Variants in MARCHF1 observed in about 807,000 individuals in gnomAD.
MARCHF1 encodes the protein membrane associated ring-CH-type finger 1.
Under a neutral mutation model 54.2 loss-of-function variants are expected in MARCHF1, and 40 were observed. The ratio of observed to expected loss-of-function variants is 0.74; its 90% confidence interval spans 0.57 to 0.96. The LOEUF is 0.96. Ranked by LOEUF, MARCHF1 falls within the 40% of genes least tolerant of loss-of-function variation. MARCHF1 has a pLI of 0.00. For missense variants in MARCHF1, 586 were observed against 656.5 expected, an observed-to-expected ratio of 0.89 and a Z score of 1.17; for synonymous variants, 236 against 236.3, an observed-to-expected ratio of 1.00 and a Z score of 0.01.
chr4:163,689,672 C>T (rs1418450669), intron 5 of MARCHF1, among the ~76,000 whole-genome samples: 1 of 151,500 alleles, frequency 6.6e-6, no homozygotes, highest in Non-Finnish European at 1.5e-5. Context: ...TTTTCCCAGG[C>T]ATCTCCTAAA....
In MARCHF1 at chr4:164,355,644, C is replaced by A. The variant is rs947357495; in HGVS notation, c.-323+28226G>T. On this transcript the variant is annotated intron_variant, in intron 1 of 9. Transcript: ENST00000514618. ...ATGGATTAAAGATTTAAACGTTAGA[C>A]CTAAAACCATAAAAACCCTAGAAGA... Among the ~76,000 whole-genome samples the A allele has an allele frequency of 4.4e-4, 38 of 85,542 alleles. 3 individuals carry two copies. Among genetic ancestry groups the A allele is most frequent in the African/African-American group, 1.3e-3 (34 of 26,494 alleles). 56.1% of individuals were successfully genotyped at this position (85,542 alleles called of 152,430 possible).
At chr4:163,873,246 C>T (rs531839827) in intron 3 of MARCHF1, among the ~76,000 whole-genome samples, 1 of 152,182 alleles carries the variant, frequency 6.6e-6, no homozygotes, top group Non-Finnish European at 1.5e-5. Context: ...AGCTAGTTTA[C>T]ACCTCAGTGT....
intron 4 of MARCHF1, among the ~76,000 whole-genome samples, chr4:163,803,097 G>A (rs777398097): frequency 9.2e-5 from 14 of 152,062 alleles, no homozygotes; most frequent in Admixed American, 2.6e-4. Context: ...CAGTTCACAC[G>A]GTTACACACA....
intron 6 of MARCHF1, 104 bp from the exon 7 acceptor site, chr4:163,613,142 G>T: frequency 1.6e-6 from 2 of 1,241,142 alleles, no homozygotes; most frequent in Non-Finnish European, 2.2e-6. Flanking sequence ...ACCAGAAGTA[G>T]ATAAATAAAG....
intron 1 of MARCHF1, among the ~76,000 whole-genome samples, chr4:164,342,182 T>C (rs1481228433): frequency 6.6e-6 from 1 of 152,130 alleles, no homozygotes; most frequent in Admixed American, 6.5e-5. Context: ...GACATATGAA[T>C]AGCCAACAAG....
Position 163,526,957 on chromosome 4 carries a change from GT to G in MARCHF1, c.*1790del, listed in dbSNP as rs144473205. On this transcript the variant is annotated 3_prime_UTR_variant, in exon 10 of 10. Coordinates refer to ENST00000514618, the MANE Select transcript of MARCHF1 (RefSeq NM_001394959.1). ...CATCTTTCTCCTCATTTAAAGGTTT[GT>G]TTTTTTTTTCCCTTTTTCCTATGAT... 6.8e-5 allele frequency: 10 copies of G among 146,956 alleles called. No homozygotes were observed. The highest frequency in any genetic ancestry group is 6.5e-4 in the South Asian group (3 of 4,616). 9.1% of individuals were successfully genotyped at this position (146,956 alleles called of 1,614,324 possible). A position where few individuals can be genotyped will look rare whatever the true frequency, so the allele number is the denominator to read the frequency against.
At chr4:164,227,888 T>C (rs1732303390) in intron 1 of MARCHF1, among the ~76,000 whole-genome samples, 1 of 152,156 alleles carries the variant, frequency 6.6e-6, no homozygotes, top group South Asian at 2.1e-4. Flanking sequence ...CAGAGGATGA[T>C]ACAGGCTGGT....
At chr4:163,717,661 G>A (rs577952773) in intron 4 of MARCHF1, among the ~76,000 whole-genome samples, 1 of 152,252 alleles carries the variant, frequency 6.6e-6, no homozygotes, top group East Asian at 1.9e-4. Context: ...AGCACCTGTT[G>A]TTTCCTGACT....
intron 1 of MARCHF1, among the ~76,000 whole-genome samples, chr4:164,340,466 A>G (rs1046130967): frequency 1.5e-5 from 2 of 131,126 alleles, no homozygotes; most frequent in Non-Finnish European, 3.3e-5. Context: ...GTTTCTCTCT[A>G]TTGCCCAGGA....
intron 5 of MARCHF1, among the ~76,000 whole-genome samples, chr4:163,646,967 G>C (rs1372918975): frequency 6.6e-6 from 1 of 151,996 alleles, no homozygotes; most frequent in Non-Finnish European, 1.5e-5. Flanking sequence ...AGACAAAGTG[G>C]CTAAATAAAT....
intron 4 of MARCHF1, among the ~76,000 whole-genome samples, chr4:163,701,652 A>G (rs1330459114): frequency 6.6e-6 from 1 of 152,220 alleles, no homozygotes; most frequent in Admixed American, 6.6e-5. Flanking sequence ...TAGATGATCA[A>G]CTGGAAAAAT....
chr4:164,328,509 A>T (rs181255623), intron 1 of MARCHF1, among the ~76,000 whole-genome samples: 1 of 152,240 alleles, frequency 6.6e-6, no homozygotes, highest in Admixed American at 6.5e-5. Context: ...GGACAGTTGA[A>T]TCAGTGTATC....
intron 5 of MARCHF1, among the ~76,000 whole-genome samples, chr4:163,614,497 C>T (rs1223275546): frequency 6.6e-6 from 1 of 151,904 alleles, no homozygotes; most frequent in African/African-American, 2.4e-5. Flanking sequence ...ATTTCGTCAC[C>T]AAGAAAATAA....
intron 3 of MARCHF1, among the ~76,000 whole-genome samples, chr4:163,872,188 T>C (rs1750183056): frequency 6.6e-6 from 1 of 152,206 alleles, no homozygotes; most frequent in African/African-American, 2.4e-5. Flanking sequence ...GGCCAGCCCT[T>C]TTGTCTATGT....
intron 1 of MARCHF1, among the ~76,000 whole-genome samples, chr4:164,165,526 A>G (rs1730356613): frequency 6.6e-6 from 1 of 151,930 alleles, no homozygotes; most frequent in South Asian, 2.1e-4. Flanking sequence ...ATGAGTAAAT[A>G]AATTTCTGTT....
chr4:164,364,292 G>A (rs537186539), intron 1 of MARCHF1, among the ~76,000 whole-genome samples: 2 of 152,130 alleles, frequency 1.3e-5, no homozygotes, highest in African/African-American at 4.8e-5. Flanking sequence ...CGTGAGTAAA[G>A]GACTAAAGGC....
At chr4:164,127,622 A>G (rs546818161) in intron 1 of MARCHF1, among the ~76,000 whole-genome samples, 1 of 152,332 alleles carries the variant, frequency 6.6e-6, no homozygotes, top group Non-Finnish European at 1.5e-5. Context: ...TTGAAGATAT[A>G]TCATGAGAGG....
chr4:164,222,146 G>A lies in MARCHF1; in HGVS notation c.-322-110484C>T, dbSNP rs112022782. ...TTAATTCAATCTACTAGGTGGGTAC[G>A]CTTTCCTTAGAAGCATAAACTTAAA... On this transcript the variant is annotated intron_variant, in intron 1 of 9. Transcript: ENST00000514618. 5.0e-3 allele frequency among the ~76,000 whole-genome samples: 755 copies of A among 151,720 alleles called. 8 individuals are homozygous for A. The highest frequency in any genetic ancestry group is 0.017 in the African/African-American group (705 of 41,426).
chr4:163,612,979 A>C lies in MARCHF1; in HGVS notation c.302T>G (p.Val101Gly), dbSNP rs1202934387. Residue 101 changes from valine (V) to glycine (G), a missense_variant, in exon 7 of 10, where the codon GTG (valine) becomes GGG (glycine). Val to Gly is a moderately radical substitution (Grantham distance 109). This residue lies in a region of MARCHF1 where 387 missense variants were observed against 394.6 expected (regional missense o/e 0.98). Transcript: ENST00000514618. Reference protein sequence around the residue: ...ESFEYCTPVMVLSPARKESGK... With the variant: ...ESFEYCTPVMGLSPARKESGK... ...AGACTCCTTCCTAGCAGGGCTCAGC[A>C]CCATGACAGGGGTGCAATACTCAAA... 6.5e-7 allele frequency: 1 copy of C among 1,531,596 alleles called. No individual in the cohort carries two copies. The highest frequency in any genetic ancestry group is 8.7e-7 in the Non-Finnish European group (1 of 1,145,256). 94.9% of individuals were successfully genotyped at this position (1,531,596 alleles called of 1,614,324 possible).
Sources: gnomAD v4.1 joint callset for allele counts (sites outside exome capture counted in the v4.1 genomes callset) on GRCh38, gnomAD v4.1.1 for gene constraint, gnomAD v4.1.1 regional missense constraint, MANE v1.5 for transcripts, NCBI Gene and HGNC (gene_info 2026-07-23, HGNC 2026-07-21) for gene names.